Variants in MMP11 observed in about 807,000 individuals in gnomAD.
The protein encoded by MMP11 is matrix metallopeptidase 11, also known as stromelysin-3.
In MMP11, 26 loss-of-function variants were observed where a neutral mutation model predicts 49.5. The ratio of observed to expected loss-of-function variants is 0.52; its 90% CI spans 0.38 to 0.73. MMP11 has a LOEUF of 0.73. Ranked by LOEUF, MMP11 falls within the 30% of genes least tolerant of loss-of-function variation. The pLI is 0.00. For missense variants in MMP11, 624 were observed against 671.2 expected (o/e 0.93, Z 0.78); for synonymous variants, 265 against 282.3 (o/e 0.94, Z 0.62).
chr22:23,780,415 A>G lies in MMP11; in HGVS notation c.395A>G (p.Glu132Gly). The G allele has an allele frequency of 6.2e-7, 1 of 1,613,912 alleles. No individual in the cohort carries two copies. Among genetic ancestry groups the G allele is most frequent in the Non-Finnish European group, 8.5e-7 (1 of 1,180,032 alleles). The change falls in exon 3 of 8, where the codon GAG (glutamate) becomes GGG (glycine). Residue 132 changes from glutamate (E) to glycine (G), a missense_variant. Glu to Gly is a moderately conservative substitution (Grantham distance 98, BLOSUM62 -2). Transcript: ENST00000215743. The surrounding 1 kb of genome is among the most constrained non-coding windows in gnomAD (Gnocchi z 4.6). ...VQEQVRQTMA[E>G]ALKVWSDVTP... ...GAGCAGGTGCGGCAGACGATGGCAG[A>G]GGCCCTAAAGGTATGGAGCGATGTG... is the stretch of plus-strand genomic sequence containing the variant.
chr22:23,779,071 G>C, intron 1 of MMP11, 116 bp from the exon 2 acceptor site: 1 of 801,658 alleles, frequency 1.2e-6, no homozygotes, highest in South Asian at 1.8e-5. Flanking sequence ...CTCTCCATTT[G>C]CCCAGCCACA....
intron 1 of MMP11, among the ~76,000 whole-genome samples, chr22:23,773,696 AGTGT>A (rs1188229886): frequency 6.6e-6 from 1 of 152,102 alleles, no homozygotes; most frequent in Admixed American, 6.5e-5. Flanking sequence ...ACTGTCATGG[AGTGT>A]GTGTGACAGC....
intron 7 of MMP11, 44 bp from the exon 8 acceptor site, chr22:23,783,367 G>A (rs1242925021): frequency 6.2e-7 from 1 of 1,608,664 alleles, no homozygotes; most frequent in Non-Finnish European, 8.5e-7. Context: ...CAGGAGTAGG[G>A]CCCAGTGTCC....
intron 6 of MMP11, chr22:23,782,005 C>T: frequency 2.9e-6 from 2 of 691,802 alleles, no homozygotes; most frequent in Non-Finnish European, 5.1e-6. Flanking sequence ...AGAGTAACCT[C>T]ACCCGTGCAC....
chr22:23,772,980 T>C lies in MMP11; in HGVS notation c.108+2T>C, dbSNP rs1394088289. 65 of 1,196,340 alleles carry C rather than the reference T, an allele frequency of 5.4e-5. No individual in the cohort carries two copies. Among genetic ancestry groups the C allele is most frequent in the Admixed American group, 4.9e-4 (12 of 24,328 alleles). The allele number at this position is 1,196,340 out of a possible 1,614,324, so 74.1% of individuals were successfully genotyped here. A position where few individuals can be genotyped will look rare whatever the true frequency, so the allele number is the denominator to read the frequency against. On this transcript the variant is annotated splice_donor_variant, in intron 1 of 7. Transcript: ENST00000215743. LOFTEE classifies it high-confidence loss of function. ...CTGCTGGCCCGGGCTCTGCCGCCGG[T>C]GAGTGCCCGCCACTCGCCGGCCGCT...
intron 6 of MMP11, 193 bp downstream of exon 6, chr22:23,781,602 G>A (rs963929816): frequency 1.6e-6 from 1 of 635,084 alleles, no homozygotes; most frequent in Non-Finnish European, 2.8e-6. Flanking sequence ...GGTGGCTCTT[G>A]AGATAGGAGC....
At position 23,780,322 on chromosome 22, in the gene MMP11, C is replaced by T; in HGVS notation, c.339-37C>T. Reference sequence around the variant, plus strand: ...GGTGCCTCAGCCATCGGGGGCTGTCCCTTCCCTGAGGCCCAGGCCCCTCCA... The same window carrying T: ...GGTGCCTCAGCCATCGGGGGCTGTCTCTTCCCTGAGGCCCAGGCCCCTCCA... On this transcript the variant is annotated intron_variant, in intron 2 of 7. Transcript: ENST00000215743. This position sits in a 1 kb window ranked among gnomAD's most constrained non-coding sequence, Gnocchi z 4.6. 1 of 1,611,734 alleles carries T rather than the reference C, an allele frequency of 6.2e-7. No homozygotes were observed. Among genetic ancestry groups the T allele is most frequent in the Non-Finnish European group, 8.5e-7 (1 of 1,179,900 alleles).
In MMP11 at chr22:23,783,857, A is replaced by G. The variant is rs1334130108; in HGVS notation, c.*313A>G. 1.7e-5 allele frequency: 7 copies of G among 414,932 alleles called. No individual in the cohort carries two copies. The highest frequency in any genetic ancestry group is 4.5e-6 in the Non-Finnish European group (1 of 221,198). 25.7% of individuals were successfully genotyped at this position (414,932 alleles called of 1,614,324 possible). A position where few individuals can be genotyped will look rare whatever the true frequency, so the allele number is the denominator to read the frequency against. On this transcript the variant is annotated 3_prime_UTR_variant, in exon 8 of 8. Transcript: ENST00000215743. ...TGTCTCCATCCCTGTCCCTCAGGGT[A>G]GCACCATGGCAGGACTGGGGGAACT...
Position 23,780,340 on chromosome 22 carries a change from C to T in MMP11, c.339-19C>T, listed in dbSNP as rs748201554. The T allele has an allele frequency of 6.2e-6, 10 of 1,612,228 alleles. No homozygotes were observed. The highest frequency in any genetic ancestry group is 8.5e-6 in the Non-Finnish European group (10 of 1,180,002). On this transcript the variant is annotated intron_variant, in intron 2 of 7. Transcript: ENST00000215743. This position sits in a 1 kb window ranked among gnomAD's most constrained non-coding sequence, Gnocchi z 4.6. ...GGCTGTCCCTTCCCTGAGGCCCAGGCCCCTCCATCTCCCTCCAGGATCCTT... is the reference window on the plus strand; with the variant it reads ...GGCTGTCCCTTCCCTGAGGCCCAGGTCCCTCCATCTCCCTCCAGGATCCTT...
intron 6 of MMP11, 116 bp downstream of exon 6, chr22:23,781,525 C>A: frequency 9.8e-7 from 1 of 1,021,356 alleles, no homozygotes; most frequent in Non-Finnish European, 1.4e-6. Flanking sequence ...AGAGCTGCCC[C>A]AAAGCCTGGG....
At chr22:23,782,162 T>A in intron 6 of MMP11, 64 bp from the exon 7 acceptor site, 1 of 1,574,942 alleles carries the variant, frequency 6.3e-7, no homozygotes, top group Non-Finnish European at 8.6e-7. Flanking sequence ...GTCAAGCAGG[T>A]CCACAGTGGC....
Position 23,779,269 on chromosome 22 carries a change from C to G in MMP11, c.191C>G (p.Ala64Gly), listed in dbSNP as rs1330487116. ...ALPSSPAPAP[A>G]TQEAPRPASS... ...CCCAGTAGCCCGGCACCTGCCCCTG[C>G]CACGCAGGAAGCCCCCCGGCCTGCC... The change falls in exon 2 of 8, where the codon GCC becomes GGC. Residue 64 changes from alanine (A) to glycine (G), a missense_variant. By Grantham distance (60) the Ala-to-Gly change is moderately conservative. Transcript: ENST00000215743. 1 of 1,609,784 alleles carries G rather than the reference C, an allele frequency of 6.2e-7. No homozygotes were observed. Among genetic ancestry groups the G allele is most frequent in the South Asian group, 1.1e-5 (1 of 90,380 alleles).
Position 23,782,425 on chromosome 22 carries a change from G to C in MMP11, c.1275G>C (p.Arg425Ser). Residue 425 changes from arginine (R) to serine (S), a missense_variant, in exon 7 of 8, where the codon AGG (arginine) becomes AGC (serine). Coordinates refer to ENST00000215743, the MANE Select transcript of MMP11 (RefSeq NM_005940.5). ...TRRVDSPVPR[R>S]ATDWRGVPSE... ...GTGTAGACAGTCCCGTGCCCCGCAG[G>C]GCCACTGACTGGAGAGGGGTGCCCT... is the stretch of plus-strand genomic sequence containing the variant. 1.2e-6 allele frequency: 2 copies of C among 1,613,742 alleles called. No individual in the cohort carries two copies. Among genetic ancestry groups the C allele is most frequent in the Non-Finnish European group, 1.7e-6 (2 of 1,179,980 alleles).
chr22:23,779,550 C>G, intron 2 of MMP11, 134 bp downstream of exon 2: 2 of 796,124 alleles, frequency 2.5e-6, no homozygotes, highest in Non-Finnish European at 4.0e-6. Context: ...TCCACTGAAC[C>G]CCAGGGAGGT....
intron 1 of MMP11, among the ~76,000 whole-genome samples, chr22:23,778,277 C>G (rs28363638): frequency 4.4e-4 from 67 of 152,360 alleles, no homozygotes; most frequent in Non-Finnish European, 7.9e-4. Context: ...CCTCTCTGAG[C>G]TTCTGCTTTT....
Position 23,781,295 on chromosome 22 carries a change from G to A in MMP11, c.961G>A (p.Gly321Arg). ...FKAGFVWRLR[G>R]GQLQPGYPAL... is the part of the protein sequence containing the mutation. ...AGCGGGCTTTGTGTGGCGCCTCCGT[G>A]GGGGCCAGCTGCAGCCCGGCTACCC... Residue 321 changes from glycine to arginine, a missense_variant, in exon 6 of 8, where the codon GGG becomes AGG. Coordinates refer to ENST00000215743, the MANE Select transcript of MMP11 (RefSeq NM_005940.5). 6.2e-7 allele frequency: 1 copy of A among 1,612,636 alleles called. No homozygotes were observed. Among genetic ancestry groups the A allele is most frequent in the Non-Finnish European group, 8.5e-7 (1 of 1,180,002 alleles).
Position 23,781,379 on chromosome 22 carries a change from G to A in MMP11, c.1045G>A (p.Asp349Asn). 1.2e-6 allele frequency: 2 copies of A among 1,610,582 alleles called. No homozygotes were observed. The highest frequency in any genetic ancestry group is 1.3e-5 in the African/African-American group (1 of 74,966). Residue 349 changes from aspartate to asparagine, a missense_variant, in exon 6 of 8, where the codon GAT becomes AAT. By Grantham distance (23) the Asp-to-Asn change is conservative. Transcript: ENST00000215743. ...CAGCCCTGTGGACGCTGCCTTCGAG[G>A]ATGCCCAGGGCCACATTTGGTTCTT... The part of the protein sequence containing the change: ...LPSPVDAAFE[D>N]AQGHIWFFQG...
intron 1 of MMP11, among the ~76,000 whole-genome samples, chr22:23,776,701 C>A: frequency 6.6e-6 from 1 of 152,128 alleles, no homozygotes; most frequent in East Asian, 1.9e-4. Context: ...TTTCCTCATC[C>A]TGGAAATGAG....
chr22:23,773,119 C>T, intron 1 of MMP11, 141 bp downstream of exon 1: 2 of 985,692 alleles, frequency 2.0e-6, no homozygotes, highest in Non-Finnish European at 1.2e-6. Context: ...CTGGTTCCCT[C>T]TAGGCGTGAT....
Sources: allele counts gnomAD v4.1 joint callset (sites outside exome capture counted in the v4.1 genomes callset), GRCh38; gene constraint gnomAD v4.1.1; non-coding constraint Gnocchi (gnomAD v3.1); transcripts MANE v1.5; gene names NCBI Gene and HGNC (gene_info 2026-07-23, HGNC 2026-07-21).